ABCC1: variants seen among roughly 807,000 people sequenced by gnomAD.
ABCC1 encodes multidrug resistance-associated protein 1.
A neutral mutation model predicts 172.9 loss-of-function variants in ABCC1; 83 were observed. The ratio of observed to expected loss-of-function variants is 0.48; its 90% CI spans 0.40 to 0.58. The LOEUF (loss-of-function observed/expected upper bound fraction) is 0.58, where lower values mean the gene tolerates loss of function less well. ABCC1 is among the 20% of genes least tolerant of loss of function. The probability of loss-of-function intolerance (pLI) is 0.00; values close to 1 mark genes in which losing one functional copy is unlikely to be tolerated. For missense variants in ABCC1, 1,817 were observed against 2,002.7 expected (o/e 0.91, Z 1.77); for synonymous variants, 937 against 825.2 (o/e 1.14, Z -2.32).
intron 3 of ABCC1, 62 bp downstream of exon 3, chr16:16,009,963 A>G: frequency 1.4e-6 from 2 of 1,383,704 alleles, no homozygotes; most frequent in Non-Finnish European, 1.9e-6. Context: ...ACCAAAAGTA[A>G]TAACTCGTAA....
At chr16:16,138,079 A>T in intron 29 of ABCC1, among the ~76,000 whole-genome samples, 1 of 151,810 alleles carries the variant, frequency 6.6e-6, no homozygotes, top group East Asian at 1.9e-4. Context: ...CTGGTCTCAA[A>T]TTCCTGGCTT....
Position 16,138,799 on chromosome 16 carries a change from T to A in ABCC1, c.4487+241T>A, listed in dbSNP as rs555977155. On this transcript the variant is annotated intron_variant, in intron 30 of 30. Coordinates refer to ENST00000399410, the MANE Select transcript of ABCC1 (RefSeq NM_004996.4). ...ATCTCGGCTCACTGCAACCTCTGCC[T>A]CTGGGGTTCAAGCATTTCTCCTGCC... Among the ~76,000 whole-genome samples the A allele has an allele frequency of 1.0e-3, 144 of 144,088 alleles. 1 individual carries two copies. Among genetic ancestry groups the A allele is most frequent in the African/African-American group, 3.6e-3 (139 of 38,488 alleles). 94.5% of individuals were successfully genotyped at this position (144,088 alleles called of 152,430 possible). A position where few individuals can be genotyped will look rare whatever the true frequency, so the allele number is the denominator to read the frequency against.
At chr16:16,022,369 A>C (rs1486771663) in intron 5 of ABCC1, among the ~76,000 whole-genome samples, 1 of 152,102 alleles carries the variant, frequency 6.6e-6, no homozygotes, top group Non-Finnish European at 1.5e-5. Context: ...GCTGACCAAG[A>C]CTGCCAGAGC....
intron 4 of ABCC1, among the ~76,000 whole-genome samples, 183 bp downstream of exon 4, chr16:16,014,811 C>G (rs950296097): frequency 1.3e-5 from 2 of 152,150 alleles, no homozygotes; most frequent in African/African-American, 4.8e-5. Flanking sequence ...CAGCCCCAGC[C>G]TTTTTTCTAG....
chr16:16,057,573 T>C (rs905289120), intron 12 of ABCC1, among the ~76,000 whole-genome samples: 24 of 151,886 alleles, frequency 1.6e-4, no homozygotes, highest in Admixed American at 5.2e-4. Flanking sequence ...AAATGAAAAG[T>C]ATATTGTCCT....
chr16:15,959,149 C>T (rs563552970), intron 1 of ABCC1, among the ~76,000 whole-genome samples: 35 of 152,126 alleles, frequency 2.3e-4, no homozygotes, highest in African/African-American at 8.4e-4. Context: ...ACTGGGGTTG[C>T]CTTGGAGAAG....
intron 1 of ABCC1, among the ~76,000 whole-genome samples, chr16:16,007,068 A>G (rs1204872976): frequency 1.3e-5 from 2 of 152,066 alleles, no homozygotes; most frequent in Non-Finnish European, 2.9e-5. Context: ...CGGTTATAAG[A>G]GAATATCCTT....
rs45481100 is a variant in ABCC1 at position 16,101,874 on chromosome 16, T to C, written c.2645-753T>C. On this transcript the variant is annotated intron_variant, in intron 19 of 30. Coordinates refer to ENST00000399410, the MANE Select transcript of ABCC1 (RefSeq NM_004996.4). ...ATTCTTCCTGGGATCAGGGCAGATA[T>C]CCAGCTGCTGTGTCCCTTGGTGTCC... Among the ~76,000 whole-genome samples the C allele has an allele frequency of 5.3e-3, 802 of 152,332 alleles. 12 individuals are homozygous for C. The highest frequency in any genetic ancestry group is 0.018 in the African/African-American group (766 of 41,574).
chr16:16,069,927 G>A (rs2050270656), intron 13 of ABCC1, among the ~76,000 whole-genome samples: 1 of 152,204 alleles, frequency 6.6e-6, no homozygotes, highest in Non-Finnish European at 1.5e-5. Context: ...TGGAGGCTGA[G>A]ACACGAGAAT....
chr16:16,117,520 T>G (rs1408833972), intron 23 of ABCC1, among the ~76,000 whole-genome samples: 1 of 152,120 alleles, frequency 6.6e-6, no homozygotes, highest in Non-Finnish European at 1.5e-5. Context: ...TACATCTAAT[T>G]GTCCAGAACT....
At chr16:16,020,198 A>G (rs1054930954) in intron 5 of ABCC1, among the ~76,000 whole-genome samples, 21 of 152,202 alleles carry the variant, frequency 1.4e-4, no homozygotes, top group Admixed American at 1.2e-3. Context: ...CTGGGATTAC[A>G]GGCTTGAGCC....
intron 12 of ABCC1, among the ~76,000 whole-genome samples, chr16:16,066,392 G>T (rs1211919184): frequency 6.6e-6 from 1 of 151,590 alleles, no homozygotes; most frequent in Non-Finnish European, 1.5e-5. Context: ...TGTTGGTCAG[G>T]CTGGTCTGGA....
At chr16:16,134,628 T>C (rs1286484721) in intron 28 of ABCC1, 120 bp downstream of exon 28, 34 of 36,884 alleles carry the variant, frequency 9.2e-4, no homozygotes, top group African/African-American at 6.3e-3. Flanking sequence ...CATCGTTCTT[T>C]TTTTTTTTTT....
chr16:16,106,699 C>T (rs1202315450), intron 20 of ABCC1, 39 bp from the exon 21 acceptor site: 1 of 1,613,206 alleles, frequency 6.2e-7, no homozygotes, highest in South Asian at 1.1e-5. Context: ...CTGCCCAAGG[C>T]ATCTGTACGG....
chr16:16,024,356 T>G (rs977789073), intron 5 of ABCC1, among the ~76,000 whole-genome samples: 3 of 152,104 alleles, frequency 2.0e-5, no homozygotes, highest in Non-Finnish European at 4.4e-5. Flanking sequence ...ATTTTTTGTT[T>G]GTTTGTTTGT....
intron 9 of ABCC1, among the ~76,000 whole-genome samples, chr16:16,046,502 G>A (rs1336346191): frequency 1.3e-5 from 2 of 151,986 alleles, no homozygotes; most frequent in East Asian, 1.9e-4. Flanking sequence ...CTGCCACCAC[G>A]ACCGGCTAAT....
intron 1 of ABCC1, among the ~76,000 whole-genome samples, chr16:15,974,709 G>C (rs1039163209): frequency 6.6e-6 from 1 of 152,158 alleles, no homozygotes; most frequent in Non-Finnish European, 1.5e-5. Flanking sequence ...GAGAGACACA[G>C]ACAAATATCA....
chr16:16,111,371 C>T lies in ABCC1; in HGVS notation c.2872-4C>T. 1.2e-6 allele frequency: 2 copies of T among 1,613,994 alleles called. No individual in the cohort carries two copies. Among genetic ancestry groups the T allele is most frequent in the East Asian group, 2.2e-5 (1 of 44,872 alleles). ...TAAGCTGCCTTATCTCCTGTGATCTCCAGGTCAAGCTTTCCGTGTACTGGG... is the reference window on the plus strand; with the variant it reads ...TAAGCTGCCTTATCTCCTGTGATCTTCAGGTCAAGCTTTCCGTGTACTGGG... On this transcript the variant is annotated splice_region_variant and splice_polypyrimidine_tract_variant and intron_variant, in intron 21 of 30. Transcript: ENST00000399410.
intron 1 of ABCC1, among the ~76,000 whole-genome samples, chr16:15,981,990 C>T (rs1318706765): frequency 6.6e-6 from 1 of 152,144 alleles, no homozygotes; most frequent in Non-Finnish European, 1.5e-5. Context: ...TTAAGCATAG[C>T]AAGAGTCACC....
Sources: gnomAD v4.1 joint callset for allele counts (sites outside exome capture counted in the v4.1 genomes callset) on GRCh38, gnomAD v4.1.1 for gene constraint, MANE v1.5 for transcripts, NCBI Gene and HGNC (gene_info 2026-07-23, HGNC 2026-07-21) for gene names.